The following KCTD1 variants were observed in gnomAD, a reference collection of about 807,000 sequenced individuals.
The protein encoded by KCTD1 is potassium channel tetramerization domain containing 1.
A neutral mutation model predicts 66.0 loss-of-function variants in KCTD1; 24 were observed. The ratio of observed to expected loss-of-function variants is 0.36; its 90% confidence interval spans 0.26 to 0.51. KCTD1 has a LOEUF of 0.51. Ranked by LOEUF, KCTD1 falls within the 20% of genes least tolerant of loss-of-function variation. The probability of loss-of-function intolerance (pLI) is 0.95; values close to 1 mark genes in which losing one functional copy is unlikely to be tolerated. For synonymous variants in KCTD1, 511 were observed against 517.2 expected (o/e 0.99, Z 0.16); for missense variants, 943 against 1,205.2 (o/e 0.78, Z 3.22).
At chr18:26,636,832 G>A (rs1376707871) in intron 1 of KCTD1, among the ~76,000 whole-genome samples, 1 of 152,186 alleles carries the variant, frequency 6.6e-6, no homozygotes, top group Non-Finnish European at 1.5e-5. Flanking sequence ...TTTGCCTGGG[G>A]CCTGGACATC....
intron 1 of KCTD1, among the ~76,000 whole-genome samples, chr18:26,529,714 G>A (rs1230701307): frequency 6.6e-6 from 1 of 152,202 alleles, no homozygotes; most frequent in Non-Finnish European, 1.5e-5. Flanking sequence ...CAAGGAGGTT[G>A]TGCCTAACAG....
At chr18:26,542,684 G>A (rs1985029892) in intron 1 of KCTD1, among the ~76,000 whole-genome samples, 1 of 152,122 alleles carries the variant, frequency 6.6e-6, no homozygotes, top group South Asian at 2.1e-4. Context: ...ACAAGAGGGT[G>A]GCCTTTTGGT....
chr18:26,599,624 C>G lies in KCTD1; in HGVS notation c.-16+29523G>C. 8 of 1,471,908 alleles carry G rather than the reference C, an allele frequency of 5.4e-6. No homozygotes were observed. The South Asian group carries it at 7.9e-5, about 15-fold the overall frequency. 91.2% of individuals were successfully genotyped at this position (1,471,908 alleles called of 1,614,324 possible). On this transcript the variant is annotated intron_variant, in intron 1 of 4. Transcript: ENST00000317932. ...GGGTTTAGTCCCGGGAAGCACCACT[C>G]TGCACAGTGCTGAGATTTTGGCTGA... is the stretch of plus-strand genomic sequence containing the variant.
At chr18:26,484,533 A>T (rs563773725) in intron 2 of KCTD1, among the ~76,000 whole-genome samples, 1 of 152,178 alleles carries the variant, frequency 6.6e-6, no homozygotes, top group South Asian at 2.1e-4. Context: ...AAGCTTATTA[A>T]TCCTCCCCTG....
At chr18:26,480,809 G>C (rs1981607446) in intron 2 of KCTD1, among the ~76,000 whole-genome samples, 1 of 152,038 alleles carries the variant, frequency 6.6e-6, no homozygotes, top group African/African-American at 2.4e-5. Flanking sequence ...CTTGTTTATA[G>C]AGCAAATAAT....
chr18:26,532,659 A>G (rs1209866553), intron 1 of KCTD1, among the ~76,000 whole-genome samples: 1 of 152,146 alleles, frequency 6.6e-6, no homozygotes, highest in Non-Finnish European at 1.5e-5. Context: ...CAACAGGTTG[A>G]GGTGGTCAGA....
At chr18:26,578,489 G>C (rs1986281295) in intron 1 of KCTD1, among the ~76,000 whole-genome samples, 1 of 152,100 alleles carries the variant, frequency 6.6e-6, no homozygotes, top group South Asian at 2.1e-4. Flanking sequence ...GAACTTCCAA[G>C]GTTGCATCTT....
intron 4 of KCTD1, 135 bp from the exon 5 acceptor site, chr18:26,456,036 CAAAG>C (rs1980069825): frequency 1.3e-6 from 1 of 753,444 alleles, no homozygotes; most frequent in East Asian, 2.7e-5. Flanking sequence ...CTGCTCCTCT[CAAAG>C]GAAGACCCTG....
chr18:26,622,361 T>C (rs2145019282), intron 1 of KCTD1, among the ~76,000 whole-genome samples: 1 of 152,314 alleles, frequency 6.6e-6, no homozygotes, highest in African/African-American at 2.4e-5. Context: ...TTATTTTGTA[T>C]CTCCATTTGG....
At chr18:26,559,538 CCA>C (rs1459657363) in intron 1 of KCTD1, among the ~76,000 whole-genome samples, 1 of 152,144 alleles carries the variant, frequency 6.6e-6, no homozygotes, top group Non-Finnish European at 1.5e-5. Flanking sequence ...ATTGTGAGAA[CCA>C]CGGGCCTAGA....
At chr18:26,559,736 C>T (rs1321950394) in intron 1 of KCTD1, among the ~76,000 whole-genome samples, 1 of 152,202 alleles carries the variant, frequency 6.6e-6, no homozygotes, top group Non-Finnish European at 1.5e-5. Flanking sequence ...GCAGAGTAGA[C>T]TCAACCCTAA....
At position 26,600,268 on chromosome 18, in the gene KCTD1, C is replaced by T. The variant is rs561858559; in HGVS notation, c.-16+28879G>A. The T allele has an allele frequency of 3.6e-5, 58 of 1,606,622 alleles. No homozygotes were observed. The African/African-American group carries it at 7.6e-4, about 21-fold the overall frequency. On this transcript the variant is annotated intron_variant, in intron 1 of 4. Transcript: ENST00000317932. ...TGATGCCTTCCGCTGTGCCAGCTGC[C>T]CCTACCTTGGGATGCCAGCCTTCAA...
intron 1 of KCTD1, among the ~76,000 whole-genome samples, chr18:26,604,106 T>C (rs751503809): frequency 1.3e-5 from 2 of 152,070 alleles, no homozygotes; most frequent in Non-Finnish European, 2.9e-5. Context: ...GCAAAGGACA[T>C]GAACAGACAC....
intron 1 of KCTD1, among the ~76,000 whole-genome samples, chr18:26,531,817 C>T (rs1032752757): frequency 2.6e-5 from 4 of 152,212 alleles, no homozygotes; most frequent in Non-Finnish European, 4.4e-5. Context: ...CTGTGAACAG[C>T]GGCCTCCCAA....
At chr18:26,464,583 C>T (rs1399642570) in intron 3 of KCTD1, among the ~76,000 whole-genome samples, 7 of 152,228 alleles carry the variant, frequency 4.6e-5, no homozygotes, top group African/African-American at 1.7e-4. Context: ...TGAGGCTTTA[C>T]CCAGAAGCTG....
At chr18:26,622,546 G>T (rs1987409199) in intron 1 of KCTD1, among the ~76,000 whole-genome samples, 1 of 152,196 alleles carries the variant, frequency 6.6e-6, no homozygotes, top group Non-Finnish European at 1.5e-5. Context: ...CTAAACTCTA[G>T]TGAGGGAGAC....
chr18:26,577,103 T>C (rs1335188971), intron 1 of KCTD1, among the ~76,000 whole-genome samples: 1 of 152,228 alleles, frequency 6.6e-6, no homozygotes, highest in Non-Finnish European at 1.5e-5. Flanking sequence ...GTTACATTAA[T>C]AACCTTATAT....
intron 1 of KCTD1, among the ~76,000 whole-genome samples, chr18:26,652,935 C>G (rs982911683): frequency 6.6e-6 from 1 of 152,224 alleles, no homozygotes; most frequent in African/African-American, 2.4e-5. Flanking sequence ...ACACTTCTCT[C>G]TTCTTGTTCA....
chr18:26,657,347 C>T (rs1988180288), intron 1 of KCTD1: 5 of 985,476 alleles, frequency 5.1e-6, no homozygotes, highest in Non-Finnish European at 6.0e-6. Flanking sequence ...AAACCCAAAC[C>T]GTCAGATCTT....
Sources: gnomAD v4.1 joint callset for allele counts (sites outside exome capture counted in the v4.1 genomes callset) on GRCh38, gnomAD v4.1.1 for gene constraint, MANE v1.5 for transcripts, NCBI Gene and HGNC (gene_info 2026-07-23, HGNC 2026-07-21) for gene names.